Variants in C6 observed in about 807,000 individuals in gnomAD.
C6 encodes the protein complement C6, also known as complement component C6.
A neutral mutation model predicts 112.9 loss-of-function variants in C6; 101 were observed. The observed-to-expected ratio is 0.89, with a 90% CI of 0.76 to 1.06. C6 has a LOEUF of 1.06. Ranked by LOEUF, C6 falls within the 50% of genes least tolerant of loss-of-function variation. C6 has a pLI of 0.00. For synonymous variants in C6, 431 were observed against 384.1 expected, an observed-to-expected ratio of 1.12 and a Z score of -1.43; for missense variants, 1,202 against 1,104.6, an observed-to-expected ratio of 1.09 and a Z score of -1.25.
intron 6 of C6, among the ~76,000 whole-genome samples, 191 bp from the exon 7 acceptor site, chr5:41,181,750 T>G (rs1234886783): frequency 6.6e-6 from 1 of 152,148 alleles, no homozygotes. Context: ...GAGAGAAAGA[T>G]AATCACCAAC....
At chr5:41,184,161 C>T (rs1022528883) in intron 6 of C6, among the ~76,000 whole-genome samples, 1 of 152,006 alleles carries the variant, frequency 6.6e-6, no homozygotes, top group Non-Finnish European at 1.5e-5. Flanking sequence ...ATCTATGTTT[C>T]ACAATTGGAT....
At chr5:41,219,699 A>G (rs1168195225) in intron 1 of C6, among the ~76,000 whole-genome samples, 1 of 152,198 alleles carries the variant, frequency 6.6e-6, no homozygotes, top group African/African-American at 2.4e-5. Flanking sequence ...GCAAAGAAAG[A>G]CATGCTGTGT....
At position 41,160,322 on chromosome 5, in the gene C6, T is replaced by A. The variant is rs1373990577; in HGVS notation, c.1504A>T (p.Thr502Ser). The change falls in exon 11 of 18, where the codon ACA becomes TCA. Residue 502 changes from threonine to serine, a missense_variant. Physicochemically the swap from Thr to Ser is moderately conservative, Grantham distance 58. Transcript: ENST00000337836. Reference protein sequence around the residue: ...DLVRNIPCAVTKRNNLRKALQ... With the variant: ...DLVRNIPCAVSKRNNLRKALQ... The stretch of plus-strand genomic sequence containing the variant: ...GCTTTCCTGAGGTTGTTCCGTTTTG[T>A]CACTGCACAGGGGATGTTTCTTACC... 3 of 1,613,726 alleles carry A rather than the reference T, an allele frequency of 1.9e-6. No individual in the cohort carries two copies. Among genetic ancestry groups the A allele is most frequent in the Non-Finnish European group, 2.5e-6 (3 of 1,179,844 alleles).
intron 11 of C6, 71 bp from the exon 12 acceptor site, chr5:41,159,324 C>T (rs1176478012): frequency 5.1e-6 from 8 of 1,554,160 alleles, no homozygotes; most frequent in Non-Finnish European, 7.0e-6. Context: ...TGAGGCCAAC[C>T]TGGTTTCCTC....
chr5:41,198,945 C>T (rs944201636), intron 4 of C6, among the ~76,000 whole-genome samples: 3 of 152,088 alleles, frequency 2.0e-5, no homozygotes, highest in African/African-American at 7.2e-5. Flanking sequence ...TGTGACATGA[C>T]CTTATTCATA....
At chr5:41,191,724 T>C (rs2150346413) in intron 5 of C6, among the ~76,000 whole-genome samples, 1 of 152,232 alleles carries the variant, frequency 6.6e-6, no homozygotes, top group Non-Finnish European at 1.5e-5. Flanking sequence ...TATATAGAAA[T>C]GCTACAGATT....
chr5:41,248,967 A>G (rs1741181438), intron 1 of C6, among the ~76,000 whole-genome samples: 1 of 152,228 alleles, frequency 6.6e-6, no homozygotes, highest in Non-Finnish European at 1.5e-5. Context: ...GGAATACTAT[A>G]TAGTCATAAA....
At chr5:41,157,927 C>A (rs1438854746) in intron 13 of C6, among the ~76,000 whole-genome samples, 1 of 152,100 alleles carries the variant, frequency 6.6e-6, no homozygotes, top group Admixed American at 6.6e-5. Flanking sequence ...GATACATTAG[C>A]CCAGACTACA....
intron 1 of C6, among the ~76,000 whole-genome samples, chr5:41,231,484 C>T (rs931756453): frequency 1.3e-5 from 2 of 152,118 alleles, no homozygotes; most frequent in Non-Finnish European, 2.9e-5. Flanking sequence ...ACTTTGTTCA[C>T]ATACAAAAAC....
chr5:41,232,911 T>C (rs1462480090), intron 1 of C6, among the ~76,000 whole-genome samples: 3 of 152,062 alleles, frequency 2.0e-5, no homozygotes, highest in African/African-American at 4.8e-5. Flanking sequence ...ACAAGGACCA[T>C]GTCTACTCTT....
intron 1 of C6, among the ~76,000 whole-genome samples, chr5:41,211,317 A>G (rs544583313): frequency 1.7e-5 from 2 of 114,778 alleles, no homozygotes; most frequent in South Asian, 3.1e-4. Flanking sequence ...CAGTACACCA[A>G]CATGGCATAT....
At chr5:41,175,489 G>T (rs1204530153) in intron 8 of C6, among the ~76,000 whole-genome samples, 1 of 152,136 alleles carries the variant, frequency 6.6e-6, no homozygotes, top group Non-Finnish European at 1.5e-5. Flanking sequence ...CCTCTACAGA[G>T]AAAGAGATGG....
At chr5:41,254,233 C>A (rs923601036) in intron 1 of C6, among the ~76,000 whole-genome samples, 1 of 152,098 alleles carries the variant, frequency 6.6e-6, no homozygotes, top group Non-Finnish European at 1.5e-5. Flanking sequence ...AACCCCATCT[C>A]TACTAAAAAT....
intron 1 of C6, among the ~76,000 whole-genome samples, chr5:41,227,611 C>T (rs1218550095): frequency 3.9e-5 from 6 of 152,004 alleles, no homozygotes; most frequent in African/African-American, 1.4e-4. Flanking sequence ...AGTTTCAAAT[C>T]TTATGTGTCT....
At chr5:41,214,259 A>C (rs928007722), upstream of C6, among the ~76,000 whole-genome samples, 1 of 152,218 alleles carries the variant, frequency 6.6e-6, no homozygotes, top group Non-Finnish European at 1.5e-5. Context: ...CCTCATTTGT[A>C]AAACAAGTGT....
chr5:41,185,959 T>C, intron 6 of C6, 111 bp downstream of exon 6: 1 of 1,287,392 alleles, frequency 7.8e-7, no homozygotes, highest in South Asian at 1.2e-5. Context: ...GTGATTAAAA[T>C]GGTTCACCAC....
intron 17 of C6, 59 bp downstream of exon 17, chr5:41,149,182 G>A (rs1014588): frequency 0.22 from 340,909 of 1,579,802 alleles, 39,247 homozygotes; most frequent in Admixed American, 0.33. Flanking sequence ...GAAAGATGAT[G>A]TACTAGCTGA....
intron 1 of C6, among the ~76,000 whole-genome samples, chr5:41,234,998 C>G (rs916137703): frequency 1.3e-5 from 2 of 150,338 alleles, no homozygotes; most frequent in African/African-American, 4.9e-5. Context: ...ATTTGGAAAG[C>G]AAGTTAGCAG....
chr5:41,244,938 A>G (rs1294824906), intron 1 of C6, among the ~76,000 whole-genome samples: 3 of 152,216 alleles, frequency 2.0e-5, no homozygotes, highest in Non-Finnish European at 4.4e-5. Context: ...TTCAGTTAAA[A>G]TGGTGAATCA....
Sources: allele counts gnomAD v4.1 joint callset (sites outside exome capture counted in the v4.1 genomes callset), GRCh38; gene constraint gnomAD v4.1.1; transcripts MANE v1.5; gene names NCBI Gene and HGNC (gene_info 2026-07-23, HGNC 2026-07-21).